AGAP1: variants seen among roughly 807,000 people sequenced by gnomAD.
AGAP1 encodes arf-GAP with GTPase, ANK repeat and PH domain-containing protein 1.
AGAP1 carries 29 observed loss-of-function variants against 105.3 expected under a neutral mutation model. The observed-to-expected ratio is 0.28, with a 90% confidence interval of 0.21 to 0.38. The LOEUF is 0.38. Ranked by LOEUF, AGAP1 falls within the 10% of genes least tolerant of loss-of-function variation. AGAP1 has a pLI of 1.00. For synonymous variants in AGAP1, 509 were observed against 485.9 expected, an observed-to-expected ratio of 1.05 and a Z score of -0.63; for missense variants, 998 against 1,165.1, an observed-to-expected ratio of 0.86 and a Z score of 2.09.
rs750022946 is a variant in AGAP1, at chr2:235,855,535, A to G, written c.1051-27810A>G. On this transcript the variant is annotated intron_variant, in intron 9 of 17. Transcript: ENST00000304032. The surrounding 1 kb of genome is among the most constrained non-coding windows in gnomAD (Gnocchi z 5.0). ...AGTCATAAAAGTTGAGTTATAGTAAATTTAAAATCGAGCAATTTCTGCTTT... is the reference window on the plus strand; with the variant it reads ...AGTCATAAAAGTTGAGTTATAGTAAGTTTAAAATCGAGCAATTTCTGCTTT... Among the ~76,000 whole-genome samples the G allele has an allele frequency of 3.9e-5, 6 of 152,224 alleles. No individual in the cohort carries two copies. Among genetic ancestry groups the G allele is most frequent in the Non-Finnish European group, 8.8e-5 (6 of 68,032 alleles).
intron 13 of AGAP1, among the ~76,000 whole-genome samples, chr2:235,974,942 A>G (rs1000289994): frequency 6.6e-5 from 10 of 152,224 alleles, no homozygotes; most frequent in Non-Finnish European, 1.3e-4. Flanking sequence ...CATGCAAGAA[A>G]CTGTAACGAG....
chr2:235,648,708 CAAAAA>C (rs200700617), intron 1 of AGAP1, among the ~76,000 whole-genome samples: 4 of 132,242 alleles, frequency 3.0e-5, no homozygotes, highest in Non-Finnish European at 6.6e-5. Flanking sequence ...CCCATCTCTA[CAAAAA>C]AAAAAAAAAA....
intron 9 of AGAP1, among the ~76,000 whole-genome samples, chr2:235,840,446 C>T (rs1960682596): frequency 6.6e-6 from 1 of 152,252 alleles, no homozygotes; most frequent in Admixed American, 6.5e-5. Context: ...CTTCCTTAGC[C>T]TCCTTTTCTA....
chr2:235,647,876 C>T (rs1261034892), intron 1 of AGAP1, among the ~76,000 whole-genome samples: 1 of 152,102 alleles, frequency 6.6e-6, no homozygotes, highest in Non-Finnish European at 1.5e-5. Context: ...CTTGTCCTTA[C>T]TGTAGACCAT....
chr2:236,102,189 G>A (rs111760285), intron 16 of AGAP1, among the ~76,000 whole-genome samples: 40 of 152,012 alleles, frequency 2.6e-4, no homozygotes, highest in South Asian at 6.2e-4. Context: ...AGGCCAAGGC[G>A]GGCGGATCAC....
chr2:235,840,530 G>A (rs957048111), intron 9 of AGAP1, among the ~76,000 whole-genome samples: 29 of 152,136 alleles, frequency 1.9e-4, no homozygotes, highest in Non-Finnish European at 1.2e-4. Flanking sequence ...TGTCCTAGCG[G>A]TACCATGTTG....
intron 1 of AGAP1, among the ~76,000 whole-genome samples, chr2:235,686,582 C>T (rs181753182): frequency 0.019 from 2,454 of 129,650 alleles, 118 homozygotes; most frequent in African/African-American, 0.069. Flanking sequence ...CACACACACA[C>T]ACACACGTGT....
intron 12 of AGAP1, among the ~76,000 whole-genome samples, chr2:235,948,341 C>T (rs1030543041): frequency 3.3e-5 from 5 of 152,070 alleles, no homozygotes; most frequent in Non-Finnish European, 7.4e-5. Flanking sequence ...CGCCACCATG[C>T]CCAGCTAATT....
In AGAP1 at chr2:235,633,741, T is replaced by C. The variant is rs73996200; in HGVS notation, c.164-75438T>C. On this transcript the variant is annotated intron_variant, in intron 1 of 17. Coordinates refer to ENST00000304032, the MANE Select transcript of AGAP1 (RefSeq NM_001037131.3). This position sits in a 1 kb window ranked among gnomAD's most constrained non-coding sequence, Gnocchi z 4.8. ...CTCTGGAATGAGGGTCTTAATTACC[T>C]TATGACAGCTTTACCTAAAAAGATG... 0.03 allele frequency among the ~76,000 whole-genome samples: 4,632 copies of C among 152,262 alleles called. 225 individuals are homozygous for C. The highest frequency in any genetic ancestry group is 0.1 in the African/African-American group (4,360 of 41,542).
rs1373791919 is a variant in AGAP1 at position 236,003,618 on chromosome 2, A to G, written c.1646-32943A>G. The stretch of plus-strand genomic sequence containing the variant: ...CACATCCAAGCTCCCTCCACCCCAC[A>G]CTCTCCCTTGGATTTGCGCCTGTTC... On this transcript the variant is annotated intron_variant, in intron 13 of 17. Transcript: ENST00000304032. The surrounding 1 kb of genome is among the most constrained non-coding windows in gnomAD (Gnocchi z 4.2). 6.6e-6 allele frequency among the ~76,000 whole-genome samples: 1 copy of G among 151,422 alleles called. No homozygotes were observed. Among genetic ancestry groups the G allele is most frequent in the East Asian group, 1.9e-4 (1 of 5,140 alleles).
At chr2:235,759,122 A>T (rs1954183809) in intron 6 of AGAP1, among the ~76,000 whole-genome samples, 1 of 144,296 alleles carries the variant, frequency 6.9e-6, no homozygotes, top group African/African-American at 2.6e-5. Context: ...CTGGTTTGGG[A>T]GACATTCTGG....
intron 9 of AGAP1, among the ~76,000 whole-genome samples, chr2:235,823,258 A>T (rs1575558209): frequency 6.6e-6 from 1 of 152,286 alleles, no homozygotes; most frequent in African/African-American, 2.4e-5. Context: ...TCTATAGATT[A>T]ACCCTAAGAT....
chr2:235,679,680 C>G (rs1948955686), intron 1 of AGAP1, among the ~76,000 whole-genome samples: 1 of 152,206 alleles, frequency 6.6e-6, no homozygotes, highest in Admixed American at 6.5e-5. Context: ...AGTGCTGCGT[C>G]CCAACATCAC....
In AGAP1 at chr2:236,083,165, AAAAG is replaced by A. The variant is rs146527467; in HGVS notation, c.2114+33888_2114+33891del. Among the ~76,000 whole-genome samples the A allele has an allele frequency of 0.21, 31,236 of 151,940 alleles. 3,475 individuals are homozygous for A. The highest frequency in any genetic ancestry group is 0.32 in the South Asian group (1,527 of 4,804). The stretch of plus-strand genomic sequence containing the variant: ...CGAAATTCCATCTCAAAAAAAAAGA[AAAAG>A]AAAAGAGGCCTCGCCTTCCATTTAG... On this transcript the variant is annotated intron_variant, in intron 16 of 17. Coordinates refer to ENST00000304032, the MANE Select transcript of AGAP1 (RefSeq NM_001037131.3). This position sits in a 1 kb window ranked among gnomAD's most constrained non-coding sequence, Gnocchi z 5.3.
In AGAP1 at chr2:235,936,235, G is replaced by A. The variant is rs572635638; in HGVS notation, c.1483+5312G>A. Among the ~76,000 whole-genome samples the A allele has an allele frequency of 6.6e-6, 1 of 152,248 alleles. No individual in the cohort carries two copies. The highest frequency in any genetic ancestry group is 2.4e-5 in the African/African-American group (1 of 41,542). On this transcript the variant is annotated intron_variant, in intron 12 of 17. Coordinates refer to ENST00000304032, the MANE Select transcript of AGAP1 (RefSeq NM_001037131.3). This position sits in a 1 kb window ranked among gnomAD's most constrained non-coding sequence, Gnocchi z 4.7. ...CCCTCGGCCTCCCCCAGGCCACCAC[G>A]CAGCCTCGTCACCATCGAGCACAAA... is the stretch of plus-strand genomic sequence containing the variant.
In AGAP1 at chr2:235,970,724, T is replaced by G. The variant is rs1233737358; in HGVS notation, c.1645+2101T>G. Among the ~76,000 whole-genome samples the G allele has an allele frequency of 2.0e-5, 3 of 152,232 alleles. No homozygotes were observed. The highest frequency in any genetic ancestry group is 7.2e-5 in the African/African-American group (3 of 41,462). ...TGAGTGAATAAATCAGTAGCGTTTC[T>G]GCACATTTGATGGAGCAGCTGGCAC... On this transcript the variant is annotated intron_variant, in intron 13 of 17. Transcript: ENST00000304032. This position sits in a 1 kb window ranked among gnomAD's most constrained non-coding sequence, Gnocchi z 5.4.
Position 236,083,761 on chromosome 2 carries a change from T to C in AGAP1, c.2114+34480T>C, listed in dbSNP as rs1171603899. 6.6e-6 allele frequency among the ~76,000 whole-genome samples: 1 copy of C among 152,130 alleles called. No individual in the cohort carries two copies. Among genetic ancestry groups the C allele is most frequent in the Non-Finnish European group, 1.5e-5 (1 of 68,028 alleles). On this transcript the variant is annotated intron_variant, in intron 16 of 17. Coordinates refer to ENST00000304032, the MANE Select transcript of AGAP1 (RefSeq NM_001037131.3). This position sits in a 1 kb window ranked among gnomAD's most constrained non-coding sequence, Gnocchi z 5.3. ...GTCTGTTTTTTTACAGAAGGATAAA[T>C]GGATGAACAGGTGTTTTAGGAGCCA... is the stretch of plus-strand genomic sequence containing the variant.
intron 6 of AGAP1, chr2:235,773,969 CT>C (rs540571690): frequency 5.9e-5 from 28 of 470,784 alleles, no homozygotes; most frequent in South Asian, 1.2e-4. Context: ...ATTCAGCCAA[CT>C]TTTTTTCCCC....
Position 235,821,511 on chromosome 2 carries a change from GTAGCCGGGACTACAGGGAACT to G in AGAP1, c.1050+14182_1050+14202del, listed in dbSNP as rs544299282. 3.1e-3 allele frequency among the ~76,000 whole-genome samples: 469 copies of G among 151,826 alleles called. 1 individual carries two copies. Among genetic ancestry groups the G allele is most frequent in the African/African-American group, 0.011 (441 of 41,360 alleles). On this transcript the variant is annotated intron_variant, in intron 9 of 17. Coordinates refer to ENST00000304032, the MANE Select transcript of AGAP1 (RefSeq NM_001037131.3). The stretch of plus-strand genomic sequence containing the variant: ...CCATTCTCCTGCCTCAGCCTCCCGA[GTAGCCGGGACTACAGGGAACT>G]TTAAAAATTTTAACTTCATGTTTTG...
Sources: gnomAD v4.1 joint callset for allele counts (sites outside exome capture counted in the v4.1 genomes callset) on GRCh38, gnomAD v4.1.1 for gene constraint, Gnocchi (gnomAD v3.1) non-coding constraint, MANE v1.5 for transcripts, NCBI Gene and HGNC (gene_info 2026-07-23, HGNC 2026-07-21) for gene names.